Variants in ACP6 observed in about 807,000 individuals in gnomAD.
The protein encoded by ACP6 is acid phosphatase 6, lysophosphatidic, also known as lysophosphatidic acid phosphatase type 6.
A neutral mutation model predicts 48.1 loss-of-function variants in ACP6; 48 were observed. That is an observed-to-expected ratio of 1.00 (90% confidence interval 0.79 to 1.27). The LOEUF is 1.27. Ranked by LOEUF, ACP6 falls within the 50% of genes most tolerant of loss-of-function variation. The pLI, the probability that ACP6 is intolerant of heterozygous loss-of-function variation, is 0.00. For missense variants in ACP6, 485 were observed against 529.1 expected, an observed-to-expected ratio of 0.92 and a Z score of 0.82; for synonymous variants, 172 against 204.2, an observed-to-expected ratio of 0.84 and a Z score of 1.34.
chr1:147,637,238 G>A (rs1007375998), downstream of ACP6, among the ~76,000 whole-genome samples: 2 of 152,164 alleles, frequency 1.3e-5, no homozygotes, highest in South Asian at 2.1e-4. Flanking sequence ...CTCATGGTAG[G>A]CAGGGACTGG....
rs782289084 is a variant in ACP6, at chr1:147,659,029, T to G, written c.490A>C (p.Thr164Pro). The G allele has an allele frequency of 3.1e-6, 5 of 1,611,168 alleles. No homozygotes were observed. The highest frequency in any genetic ancestry group is 4.5e-5 in the East Asian group (2 of 44,836). Residue 164 changes from threonine to proline, a missense_variant, in exon 4 of 10, where the codon ACT (threonine) becomes CCT (proline). Transcript: ENST00000583509. ...FNPQEVFIRS[T>P]NIFRNLESTR... is the part of the protein sequence containing the mutation. ...GACTCCAGATTCCGAAAAATGTTAG[T>G]GGAACGAATACTGAAAAAAATGAGA...
At chr1:147,668,505 T>A (rs1174036610) in intron 1 of ACP6, among the ~76,000 whole-genome samples, 32 of 152,120 alleles carry the variant, frequency 2.1e-4, no homozygotes, top group African/African-American at 7.5e-4. Flanking sequence ...TTTTTTGTCT[T>A]CTACGTGAAT....
At position 147,658,947 on chromosome 1, in the gene ACP6, C is replaced by A; in HGVS notation, c.559+13G>T. ...CTCAGGGACAGGGACTGACTGGGAC[C>A]CCAAATACGAACCTTCTTTCTGACA... On this transcript the variant is annotated intron_variant, in intron 4 of 9. Coordinates refer to ENST00000583509, the MANE Select transcript of ACP6 (RefSeq NM_016361.5). The A allele has an allele frequency of 6.2e-7, 1 of 1,607,534 alleles. No homozygotes were observed. Among genetic ancestry groups the A allele is most frequent in the Non-Finnish European group, 8.5e-7 (1 of 1,176,170 alleles).
At chr1:147,668,509 C>A (rs1433965136) in intron 1 of ACP6, among the ~76,000 whole-genome samples, 5 of 151,786 alleles carry the variant, frequency 3.3e-5, no homozygotes, top group African/African-American at 1.2e-4. Context: ...TTGTCTTCTA[C>A]GTGAATATAA....
At chr1:147,656,860 AAC>A (rs1553211712) in intron 4 of ACP6, among the ~76,000 whole-genome samples, 2 of 152,390 alleles carry the variant, frequency 1.3e-5, no homozygotes, top group Admixed American at 6.5e-5. Flanking sequence ...AATACAAAAT[AAC>A]ACAATAAAAA....
chr1:147,666,343 C>A (rs587606574), intron 1 of ACP6, among the ~76,000 whole-genome samples: 59 of 152,296 alleles, frequency 3.9e-4, no homozygotes, highest in African/African-American at 1.2e-3. Flanking sequence ...ATTGTTTCTC[C>A]TAGTTCTCTC....
chr1:147,657,419 T>C (rs1225523326), intron 4 of ACP6, among the ~76,000 whole-genome samples: 1 of 152,152 alleles, frequency 6.6e-6, no homozygotes, highest in East Asian at 1.9e-4. Context: ...TCTGGGATTC[T>C]TTTTTTGTTT....
intron 1 of ACP6, among the ~76,000 whole-genome samples, chr1:147,660,183 C>A (rs1396972437): frequency 1.3e-5 from 2 of 152,174 alleles, no homozygotes; most frequent in African/African-American, 4.8e-5. Context: ...TATGCCCTAT[C>A]CCAGCTTAAG....
In ACP6 at chr1:147,630,066, ACCAGATTTCTC is replaced by A. The variant is rs587670567; in HGVS notation, c.*976_*986del. The stretch of plus-strand genomic sequence containing the variant: ...AGTTATTTCACCAAACACGAAAGAA[ACCAGATTTCTC>A]TTGCAAAATACCTGCTTAGTGTCCA... On this transcript the variant is annotated 3_prime_UTR_variant, in exon 6 of 6. Coordinates refer to the ACP6 transcript ENST00000609196. The A allele has an allele frequency of 1.6e-4, 25 of 152,360 alleles. No homozygotes were observed. The East Asian group carries it at 4.8e-3, about 29-fold the overall frequency. 9.4% of individuals were successfully genotyped at this position (152,360 alleles called of 1,614,324 possible).
intron 7 of ACP6, chr1:147,651,769 C>G (rs978808468): frequency 6.6e-6 from 1 of 152,110 alleles, no homozygotes; most frequent in Non-Finnish European, 1.5e-5. Context: ...CTCATCTTTC[C>G]CAGGGCTACT....
At chr1:147,663,733 A>C (rs11240102) in intron 1 of ACP6, among the ~76,000 whole-genome samples, 15,012 of 151,926 alleles carry the variant, frequency 0.099, 1,024 homozygotes, top group East Asian at 0.33. Flanking sequence ...CCAACCTAGA[A>C]CCTGCCCACT....
chr1:147,648,621 G>A (rs1659754907), intron 8 of ACP6, among the ~76,000 whole-genome samples: 1 of 152,144 alleles, frequency 6.6e-6, no homozygotes, highest in Non-Finnish European at 1.5e-5. Context: ...GTCCCCGCCA[G>A]AGAAATTCTC....
rs1489905571 is a variant in ACP6 at position 147,655,232 on chromosome 1, G to A, written c.576C>T (p.His192=). ...QCQKEGPIII[H]TDEADSEVLY... Reference sequence around the variant, plus strand: ...AGACTTCTGAATCTGCTTCATCAGTGTGGATGATGATGGGTCCTGGAAGAA... The same window carrying A: ...AGACTTCTGAATCTGCTTCATCAGTATGGATGATGATGGGTCCTGGAAGAA... Residue 192 remains histidine (H), a synonymous_variant, in exon 5 of 10, where the codon CAC becomes CAT. Coordinates refer to ENST00000583509, the MANE Select transcript of ACP6 (RefSeq NM_016361.5). The A allele has an allele frequency of 1.1e-5, 18 of 1,606,380 alleles. No individual in the cohort carries two copies. The highest frequency in any genetic ancestry group is 1.3e-5 in the African/African-American group (1 of 74,770).
At chr1:147,631,833 CAA>C (rs35541141) in intron 5 of ACP6, among the ~76,000 whole-genome samples, 1 of 147,396 alleles carries the variant, frequency 6.8e-6, no homozygotes, top group South Asian at 2.2e-4. Context: ...ACAACAACAA[CAA>C]AAAAAACAGT....
At position 147,652,546 on chromosome 1, in the gene ACP6, G is replaced by C. The variant is rs781793007; in HGVS notation, c.784C>G (p.His262Asp). ...AGCATGGGGCAGCTTGGGAGGTTGT[G>C]TGCCTGAAAGGGCCACATGTAGTTT... The part of the protein sequence containing the change: ...LLDNVAAEQA[H>D]NLPSCPMLKR... The change falls in exon 7 of 10, where the codon CAC becomes GAC. Residue 262 changes from histidine (H) to aspartate (D), a missense_variant. Transcript: ENST00000583509. The C allele has an allele frequency of 6.2e-7, 1 of 1,614,064 alleles. No homozygotes were observed. Among genetic ancestry groups the C allele is most frequent in the South Asian group, 1.1e-5 (1 of 91,082 alleles).
At chr1:147,658,853 G>A in intron 4 of ACP6, 107 bp downstream of exon 4, 1 of 1,072,310 alleles carries the variant, frequency 9.3e-7, no homozygotes, top group Non-Finnish European at 1.4e-6. Flanking sequence ...CACACATGCA[G>A]GAGAAAAAAA....
At chr1:147,634,012 A>C (rs1275228715) in intron 5 of ACP6, among the ~76,000 whole-genome samples, 1 of 152,188 alleles carries the variant, frequency 6.6e-6, no homozygotes, top group Non-Finnish European at 1.5e-5. Context: ...CTTTGTACCC[A>C]TTAAACAATA....
chr1:147,655,314 C>G (rs1557885538), intron 4 of ACP6, 66 bp from the exon 5 acceptor site: 1 of 1,187,934 alleles, frequency 8.4e-7, no homozygotes, highest in Non-Finnish European at 1.2e-6. Context: ...CATCTCCACC[C>G]CCTTCTCTTT....
At chr1:147,636,723 A>T (rs1659313174) in intron 5 of ACP6, among the ~76,000 whole-genome samples, 1 of 152,214 alleles carries the variant, frequency 6.6e-6, no homozygotes, top group South Asian at 2.1e-4. Context: ...TTTTTGAGAG[A>T]TGCCTTAGGC....
Sources: gnomAD v4.1 joint callset for allele counts (sites outside exome capture counted in the v4.1 genomes callset) on GRCh38, gnomAD v4.1.1 for gene constraint, MANE v1.5 for transcripts, NCBI Gene and HGNC (gene_info 2026-07-23, HGNC 2026-07-21) for gene names.